The following RNF19A variants were observed in gnomAD, a reference collection of about 807,000 sequenced individuals.
The protein encoded by RNF19A is E3 ubiquitin-protein ligase RNF19A.
RNF19A carries 32 observed loss-of-function variants against 75.7 expected under a neutral mutation model. That is an observed-to-expected ratio of 0.42 (90% CI 0.32 to 0.57). The LOEUF (loss-of-function observed/expected upper bound fraction) is 0.57, where lower values mean the gene tolerates loss of function less well. Ranked by LOEUF, RNF19A falls within the 20% of genes least tolerant of loss-of-function variation. The pLI, the probability that RNF19A is intolerant of heterozygous loss-of-function variation, is 0.10. For missense variants in RNF19A, 782 were observed against 1,036.3 expected, an observed-to-expected ratio of 0.75 and a Z score of 3.37; for synonymous variants, 335 against 345.2, an observed-to-expected ratio of 0.97 and a Z score of 0.33.
At chr8:100,294,165 G>A (rs1024941106) in intron 1 of RNF19A, among the ~76,000 whole-genome samples, 89 of 152,096 alleles carry the variant, frequency 5.9e-4, no homozygotes, top group African/African-American at 2.1e-3. Flanking sequence ...ATTATAAACT[G>A]GATATTGTGG....
At chr8:100,302,245 G>C (rs1295237845) in intron 1 of RNF19A, among the ~76,000 whole-genome samples, 2 of 152,228 alleles carry the variant, frequency 1.3e-5, no homozygotes, top group African/African-American at 4.8e-5. Context: ...TGGTAGCACA[G>C]AGAACAGTTT....
In RNF19A at chr8:100,268,944, T is replaced by C. The variant is rs1447108643; in HGVS notation, c.1032A>G (p.Pro344=). 1.3e-6 allele frequency: 2 copies of C among 1,573,706 alleles called. No homozygotes were observed. The highest frequency in any genetic ancestry group is 1.7e-4 in the Middle Eastern group (1 of 5,880). The change falls in exon 5 of 10, where the codon CCA becomes CCG. Residue 344 remains proline (P), a synonymous_variant. Coordinates refer to ENST00000341084, the MANE Select transcript of RNF19A (RefSeq NM_183419.4). ...KEISDLHYLS[P]SGCTFWGKKP... ...TCTTCCCCCAAAAAGTACATCCTGA[T>C]GGACTAACGGAAAAAATTATAATGT...
Position 100,288,075 on chromosome 8 carries a change from A to T in RNF19A, c.100T>A (p.Leu34Ile), listed in dbSNP as rs1821113166. ...SILTSILDMS[L>I]HRQMGSDRDL... The stretch of plus-strand genomic sequence containing the variant: ...CGATCTGAACCCATTTGCCGATGTA[A>T]ACTCATGTCTAAAATGCTTGTTAGA... Residue 34 changes from leucine to isoleucine, a missense_variant, in exon 2 of 10, where the codon TTA becomes ATA. Coordinates refer to ENST00000341084, the MANE Select transcript of RNF19A (RefSeq NM_183419.4). The T allele has an allele frequency of 6.2e-7, 1 of 1,614,054 alleles. No homozygotes were observed. Among genetic ancestry groups the T allele is most frequent in the African/African-American group, 1.3e-5 (1 of 74,928 alleles).
upstream of RNF19A, among the ~76,000 whole-genome samples, chr8:100,311,490 G>A (rs1013487282): frequency 6.6e-6 from 1 of 152,004 alleles, no homozygotes; most frequent in Non-Finnish European, 1.5e-5. Context: ...AGGCCGAGGC[G>A]GGCGGATCAC....
chr8:100,297,385 A>G (rs567191926), intron 1 of RNF19A, among the ~76,000 whole-genome samples: 1 of 152,330 alleles, frequency 6.6e-6, no homozygotes, highest in East Asian at 1.9e-4. Context: ...ATCATCTGTA[A>G]AATGGGGAAA....
intron 3 of RNF19A, among the ~76,000 whole-genome samples, chr8:100,273,027 G>A (rs929238182): frequency 7.2e-5 from 11 of 151,850 alleles, no homozygotes; most frequent in African/African-American, 1.9e-4. Flanking sequence ...CACCACGCCC[G>A]GCTAATTTTT....
intron 5 of RNF19A, among the ~76,000 whole-genome samples, chr8:100,267,753 C>A (rs971938418): frequency 4.0e-5 from 6 of 151,434 alleles, no homozygotes; most frequent in Admixed American, 4.0e-4. Flanking sequence ...CTCAGCTCAC[C>A]GCAACCTCCA....
intron 2 of RNF19A, among the ~76,000 whole-genome samples, chr8:100,282,875 C>T (rs1409750925): frequency 1.3e-5 from 2 of 152,054 alleles, no homozygotes; most frequent in South Asian, 2.1e-4. Context: ...ATATTCTCCA[C>T]CAGAGTAAGT....
Position 100,270,462 on chromosome 8 carries a change from A to G in RNF19A, c.884-449T>C, listed in dbSNP as rs77955374. Among the ~76,000 whole-genome samples, 630 of 152,240 alleles carry G rather than the reference A, an allele frequency of 4.1e-3. 5 individuals carry two copies. The highest frequency in any genetic ancestry group is 6.3e-3 in the Non-Finnish European group (430 of 67,950). On this transcript the variant is annotated intron_variant, in intron 3 of 9. Coordinates refer to ENST00000341084, the MANE Select transcript of RNF19A (RefSeq NM_183419.4). ...AGTGAATGAACACTAACAGGAGGTG[A>G]CAATTTGATATTAATCTGAGGTGCT...
intron 2 of RNF19A, among the ~76,000 whole-genome samples, chr8:100,283,953 G>T (rs571925528): frequency 1.3e-5 from 2 of 152,066 alleles, no homozygotes; most frequent in South Asian, 4.2e-4. Context: ...TTTTAAAAAG[G>T]GCGGTCCTCT....
At position 100,261,583 on chromosome 8, in the gene RNF19A, C is replaced by G; in HGVS notation, c.1641G>C (p.Thr547=). ...STMALAGASI[T]GSLSGSAMVN... ...CCATGGCACTTCCTGACAGACTCCC[C>G]GTTATACTGGCTCCAGCTAGTGCCA... is the stretch of plus-strand genomic sequence containing the variant. Residue 547 remains threonine (T), a synonymous_variant, in exon 8 of 10, where the codon ACG becomes ACC. Coordinates refer to ENST00000341084, the MANE Select transcript of RNF19A (RefSeq NM_183419.4). This position sits in a 1 kb window ranked among gnomAD's most constrained non-coding sequence, Gnocchi z 4.4. 1 of 1,614,060 alleles carries G rather than the reference C, an allele frequency of 6.2e-7. No homozygotes were observed.
intron 1 of RNF19A, among the ~76,000 whole-genome samples, chr8:100,301,725 A>G (rs1016860466): frequency 3.3e-5 from 5 of 152,222 alleles, no homozygotes; most frequent in African/African-American, 1.2e-4. Context: ...GCTCTTATAT[A>G]CAAGTTTACA....
intron 1 of RNF19A, among the ~76,000 whole-genome samples, chr8:100,297,801 C>T (rs1422084588): frequency 6.6e-6 from 1 of 152,104 alleles, no homozygotes; most frequent in African/African-American, 2.4e-5. Flanking sequence ...TCTTACTCAC[C>T]TTAAAGCTGG....
rs958889260 is a variant in RNF19A, at chr8:100,330,598, C to T, written c.-243+5510G>A. ...AGTCTGCAAGAGAATAAAGCCAACA[C>T]AGAAAAGTGGGTGTTGGGGAGGGTG... On this transcript the variant is annotated intron_variant, in intron 1 of 3. Coordinates refer to the RNF19A transcript ENST00000519527. This position sits in a 1 kb window ranked among gnomAD's most constrained non-coding sequence, Gnocchi z 4.1. Among the ~76,000 whole-genome samples, 1 of 152,194 alleles carries T rather than the reference C, an allele frequency of 6.6e-6. No homozygotes were observed. Among genetic ancestry groups the T allele is most frequent in the Non-Finnish European group, 1.5e-5 (1 of 68,036 alleles).
rs1819531870 is a variant in RNF19A at position 100,257,958 on chromosome 8, T to C, written c.*598A>G. ...AGTACCAGGTATTTCTATTTCAAAGTTGTGCAAAAACTGCCACAATCTTGC... is the reference window on the plus strand; with the variant it reads ...AGTACCAGGTATTTCTATTTCAAAGCTGTGCAAAAACTGCCACAATCTTGC... On this transcript the variant is annotated 3_prime_UTR_variant, in exon 10 of 10. Transcript: ENST00000341084. 2 of 398,584 alleles carry C rather than the reference T, an allele frequency of 5.0e-6. No homozygotes were observed. The highest frequency in any genetic ancestry group is 8.9e-6 in the Non-Finnish European group (2 of 225,894). The allele number at this position is 398,584 out of a possible 1,614,324, so 24.7% of individuals were successfully genotyped here.
At chr8:100,319,847 T>C (rs1281313672) in intron 1 of RNF19A, among the ~76,000 whole-genome samples, 1 of 148,272 alleles carries the variant, frequency 6.7e-6, no homozygotes, top group Non-Finnish European at 1.5e-5. Flanking sequence ...TTCTTTTTTT[T>C]TTTTCGAGAT....
At chr8:100,305,320 G>A (rs1019148844) in intron 1 of RNF19A, among the ~76,000 whole-genome samples, 3 of 152,164 alleles carry the variant, frequency 2.0e-5, no homozygotes, top group Non-Finnish European at 2.9e-5. Context: ...ACTCCAATTC[G>A]AAGGTGTATG....
At position 100,258,978 on chromosome 8, in the gene RNF19A, C is replaced by G. The variant is rs1354818202; in HGVS notation, c.2095G>C (p.Glu699Gln). 1.9e-6 allele frequency: 3 copies of G among 1,614,096 alleles called. No homozygotes were observed. Among genetic ancestry groups the G allele is most frequent in the Admixed American group, 3.3e-5 (2 of 59,998 alleles). ...TCACTTGAGTTCGTGCTTTGTTGTT[C>G]TAACAACTGTGCATCCATGTCCTCT... ...TREDMDAQLL[E>Q]QQSTNSSEFE... The change falls in exon 10 of 10, where the codon GAA becomes CAA. Residue 699 changes from glutamate to glutamine, a missense_variant. Transcript: ENST00000341084. The surrounding 1 kb of genome is among the most constrained non-coding windows in gnomAD (Gnocchi z 4.3).
At position 100,260,050 on chromosome 8, in the gene RNF19A, T is replaced by A; in HGVS notation, c.1683-53A>T. 6.9e-7 allele frequency: 1 copy of A among 1,455,638 alleles called. No individual in the cohort carries two copies. Among genetic ancestry groups the A allele is most frequent in the Non-Finnish European group, 9.6e-7 (1 of 1,045,236 alleles). The allele number at this position is 1,455,638 out of a possible 1,614,324, so 90.2% of individuals were successfully genotyped here. ...ATTATATTTAATATCAGCACTACTG[T>A]AATATGTATCTTTAAATAATTCAGT... On this transcript the variant is annotated intron_variant, in intron 8 of 9. Coordinates refer to ENST00000341084, the MANE Select transcript of RNF19A (RefSeq NM_183419.4). This position sits in a 1 kb window ranked among gnomAD's most constrained non-coding sequence, Gnocchi z 4.1.
Sources: gnomAD v4.1 joint callset for allele counts (sites outside exome capture counted in the v4.1 genomes callset) on GRCh38, gnomAD v4.1.1 for gene constraint, Gnocchi (gnomAD v3.1) non-coding constraint, MANE v1.5 for transcripts, NCBI Gene and HGNC (gene_info 2026-07-23, HGNC 2026-07-21) for gene names.